EPB41L4A: variants seen among roughly 807,000 people sequenced by gnomAD.
EPB41L4A encodes the protein erythrocyte membrane protein band 4.1 like 4A.
A neutral mutation model predicts 108.6 loss-of-function variants in EPB41L4A; 100 were observed. That is an observed-to-expected ratio of 0.92 (90% CI 0.78 to 1.09). The LOEUF is 1.09. Ranked by LOEUF, EPB41L4A falls within the 50% of genes least tolerant of loss-of-function variation. The pLI is 0.00. For synonymous variants in EPB41L4A, 319 were observed against 289.0 expected (o/e 1.10, Z -1.05); for missense variants, 1,030 against 842.7 (o/e 1.22, Z -2.75).
intron 1 of EPB41L4A, among the ~76,000 whole-genome samples, chr5:112,326,053 G>C (rs1014842057): frequency 6.6e-6 from 1 of 152,072 alleles, no homozygotes; most frequent in Non-Finnish European, 1.5e-5. Context: ...GGGAGGCTGA[G>C]GCAGGAAGAT....
chr5:112,209,304 C>T (rs1375123599), intron 13 of EPB41L4A, among the ~76,000 whole-genome samples: 1 of 152,204 alleles, frequency 6.6e-6, no homozygotes, highest in Non-Finnish European at 1.5e-5. Context: ...GACTCTGCAA[C>T]AGTGTCTTAA....
intron 1 of EPB41L4A, among the ~76,000 whole-genome samples, chr5:112,354,625 T>C (rs1209186387): frequency 6.6e-6 from 1 of 152,240 alleles, no homozygotes. Context: ...GTAATGTTTT[T>C]CTGTGTTTCC....
chr5:112,408,177 C>T (rs1330249775), intron 1 of EPB41L4A, among the ~76,000 whole-genome samples: 1 of 151,958 alleles, frequency 6.6e-6, no homozygotes, highest in Admixed American at 6.6e-5. Flanking sequence ...GTCTTTTTAA[C>T]AAATGGTGTT....
At chr5:112,394,431 T>C (rs915080151) in intron 1 of EPB41L4A, among the ~76,000 whole-genome samples, 7 of 152,264 alleles carry the variant, frequency 4.6e-5, no homozygotes, top group African/African-American at 1.7e-4. Context: ...TCAAAACCAT[T>C]CCTATACACC....
chr5:112,207,100 A>G (rs1264709854), intron 13 of EPB41L4A: 1 of 152,218 alleles, frequency 6.6e-6, no homozygotes, highest in Non-Finnish European at 1.5e-5. Flanking sequence ...AAAAAGACCA[A>G]TGCAATAGGA....
At chr5:112,183,975 T>A (rs748748361) in intron 18 of EPB41L4A, 41 bp downstream of exon 18, 96 of 1,611,120 alleles carry the variant, frequency 6.0e-5, no homozygotes. Flanking sequence ...CTACTTCAAA[T>A]TCAGTGTTTT....
At chr5:112,168,850 C>T (rs1447311084) in intron 21 of EPB41L4A, 30 bp from the exon 22 acceptor site, 1 of 1,578,710 alleles carries the variant, frequency 6.3e-7, no homozygotes, top group Admixed American at 1.7e-5. Context: ...GAATTAGTGA[C>T]TGGAACAGTA....
chr5:112,267,459 A>AT (rs1487428820), intron 4 of EPB41L4A, among the ~76,000 whole-genome samples: 7 of 152,200 alleles, frequency 4.6e-5, no homozygotes, highest in African/African-American at 1.7e-4. Context: ...TATTGCAACC[A>AT]TATGTTTCAG....
chr5:112,268,128 T>C (rs1358252986), intron 4 of EPB41L4A, among the ~76,000 whole-genome samples: 1 of 152,222 alleles, frequency 6.6e-6, no homozygotes, highest in East Asian at 1.9e-4. Flanking sequence ...ATGCCTGTAA[T>C]CCCAGCACTG....
At position 112,381,159 on chromosome 5, in the gene EPB41L4A, A is replaced by G. The variant is rs372285716; in HGVS notation, c.99+37782T>C. Among the ~76,000 whole-genome samples, 3 of 152,362 alleles carry G rather than the reference A, an allele frequency of 2.0e-5. No individual in the cohort carries two copies. In the South Asian group the frequency reaches 6.2e-4, roughly 32 times the overall value. On this transcript the variant is annotated intron_variant, in intron 1 of 22. Coordinates refer to ENST00000261486, the MANE Select transcript of EPB41L4A (RefSeq NM_022140.5). ...CAAGACTATAATACTGCTTCACAAC[A>G]GAGCCAGGTAGTTTCCTCAGATATA...
At chr5:112,226,694 T>TA (rs543012150) in intron 12 of EPB41L4A, among the ~76,000 whole-genome samples, 62 of 144,756 alleles carry the variant, frequency 4.3e-4, no homozygotes, top group Admixed American at 6.9e-4. Flanking sequence ...GATGTTGGTG[T>TA]AAAAAAAAAA....
At chr5:112,358,277 A>C (rs1436727774) in intron 1 of EPB41L4A, among the ~76,000 whole-genome samples, 1 of 152,136 alleles carries the variant, frequency 6.6e-6, no homozygotes, top group Non-Finnish European at 1.5e-5. Context: ...TACACACATG[A>C]ATTTATTTTT....
chr5:112,384,819 A>G (rs1216709256), intron 1 of EPB41L4A, among the ~76,000 whole-genome samples: 1 of 152,146 alleles, frequency 6.6e-6, no homozygotes, highest in Non-Finnish European at 1.5e-5. Context: ...AAGAAAAGAA[A>G]AGAAATAATG....
intron 1 of EPB41L4A, among the ~76,000 whole-genome samples, chr5:112,326,582 C>A (rs1756179363): frequency 1.3e-5 from 2 of 152,230 alleles, no homozygotes; most frequent in South Asian, 4.1e-4. Flanking sequence ...CTCAACTCAT[C>A]ATGCCTCTGC....
intron 1 of EPB41L4A, among the ~76,000 whole-genome samples, chr5:112,313,334 G>A (rs1477416105): frequency 6.6e-6 from 1 of 152,208 alleles, no homozygotes; most frequent in African/African-American, 2.4e-5. Context: ...GCTCACGCCT[G>A]TAATCCCAGC....
chr5:112,294,828 T>A (rs983855028), intron 2 of EPB41L4A, among the ~76,000 whole-genome samples: 17 of 152,180 alleles, frequency 1.1e-4, no homozygotes, highest in African/African-American at 4.1e-4. Context: ...GCCACGTATC[T>A]TAAAGGACTT....
chr5:112,234,232 A>T (rs1749169095), intron 12 of EPB41L4A, among the ~76,000 whole-genome samples: 1 of 150,222 alleles, frequency 6.7e-6, no homozygotes, highest in African/African-American at 2.4e-5. Flanking sequence ...AAAATAAAAT[A>T]AAAATAAAAT....
At chr5:112,363,067 A>C (rs1013514916) in intron 1 of EPB41L4A, among the ~76,000 whole-genome samples, 68 of 152,248 alleles carry the variant, frequency 4.5e-4, no homozygotes, top group Middle Eastern at 3.4e-3. Flanking sequence ...CATTTCCATT[A>C]GCCACTTTCA....
chr5:112,184,141 A>C lies in EPB41L4A; in HGVS notation c.1503-6T>G. 2 of 1,613,892 alleles carry C rather than the reference A, an allele frequency of 1.2e-6. No homozygotes were observed. The highest frequency in any genetic ancestry group is 1.7e-6 in the Non-Finnish European group (2 of 1,179,852). ...TATCATTCTCCTGCCGTATTCTGAA[A>C]GGAAAGCCATGCATCTGAAGTTAAC... On this transcript the variant is annotated splice_polypyrimidine_tract_variant and splice_region_variant and intron_variant, in intron 17 of 22. Transcript: ENST00000261486.
Sources: gnomAD v4.1 joint callset for allele counts (sites outside exome capture counted in the v4.1 genomes callset) on GRCh38, gnomAD v4.1.1 for gene constraint, MANE v1.5 for transcripts, NCBI Gene and HGNC (gene_info 2026-07-23, HGNC 2026-07-21) for gene names.